Variants in ZNF385D observed in about 807,000 individuals in gnomAD.
ZNF385D encodes zinc finger protein 659.
Under a neutral mutation model 35.8 loss-of-function variants are expected in ZNF385D, and 15 were observed. The observed-to-expected ratio is 0.42, with a 90% CI of 0.28 to 0.64. ZNF385D has a LOEUF of 0.64. ZNF385D is among the 30% of genes least tolerant of loss of function. The pLI is 0.23. For missense variants in ZNF385D, 474 were observed against 494.6 expected (o/e 0.96, Z 0.39); for synonymous variants, 212 against 186.8 (o/e 1.13, Z -1.10).
intron 3 of ZNF385D, among the ~76,000 whole-genome samples, chr3:21,841,678 T>C (rs747812674): frequency 4.6e-5 from 7 of 152,038 alleles, no homozygotes; most frequent in East Asian, 1.9e-4. Flanking sequence ...ACTTAAGTTA[T>C]TAAACACAAG....
intron 2 of ZNF385D, among the ~76,000 whole-genome samples, chr3:22,171,104 C>A (rs1035758222): frequency 7.6e-6 from 1 of 131,030 alleles, no homozygotes; most frequent in Non-Finnish European, 1.6e-5. Context: ...ACATGATGAC[C>A]ATTTATTATG....
At chr3:21,703,630 C>T (rs182483388) in intron 1 of ZNF385D, among the ~76,000 whole-genome samples, 1 of 150,970 alleles carries the variant, frequency 6.6e-6, no homozygotes, top group Non-Finnish European at 1.5e-5. Flanking sequence ...TTACTGCAAC[C>T]TTGTAAATAT....
At chr3:21,827,658 G>A (rs1380986105) in intron 3 of ZNF385D, among the ~76,000 whole-genome samples, 1 of 152,124 alleles carries the variant, frequency 6.6e-6, no homozygotes, top group African/African-American at 2.4e-5. Context: ...TTAATATATT[G>A]GAGTGCCTCT....
intron 3 of ZNF385D, among the ~76,000 whole-genome samples, chr3:21,867,855 C>A (rs1291306): frequency 0.87 from 131,794 of 152,002 alleles, 57,584 homozygotes; most frequent in Non-Finnish European, 0.92. Flanking sequence ...AGTCACATGT[C>A]ACTCTTGAAC....
intron 3 of ZNF385D, among the ~76,000 whole-genome samples, chr3:22,102,857 A>G (rs1331220346): frequency 6.6e-6 from 1 of 150,466 alleles, no homozygotes; most frequent in Non-Finnish European, 1.5e-5. Flanking sequence ...TTATTTTGAT[A>G]CATGTTTGTC....
chr3:22,080,768 G>C (rs773085966), intron 3 of ZNF385D, among the ~76,000 whole-genome samples: 1 of 152,068 alleles, frequency 6.6e-6, no homozygotes, highest in Non-Finnish European at 1.5e-5. Flanking sequence ...ATTAGATTAT[G>C]AGGGTGGTGT....
Position 21,792,670 on chromosome 3 carries a change from C to T in ZNF385D, c.326-127642G>A, listed in dbSNP as rs149723200. ...GGGCCATGCAGGAGACTTGCACACA[C>T]AGCAAAAAGCAGGCCCTAGACCCCC... On this transcript the variant is annotated intron_variant, in intron 3 of 5. Coordinates refer to the ZNF385D transcript ENST00000494108. 3.7e-3 allele frequency among the ~76,000 whole-genome samples: 570 copies of T among 152,250 alleles called. 7 individuals carry two copies. The highest frequency in any genetic ancestry group is 0.024 in the South Asian group (115 of 4,822).
intron 2 of ZNF385D, among the ~76,000 whole-genome samples, chr3:22,280,046 C>T (rs1701657234): frequency 6.6e-6 from 1 of 152,036 alleles, no homozygotes; most frequent in South Asian, 2.1e-4. Context: ...TGATGTTGAA[C>T]ATTTTTTCAT....
intron 3 of ZNF385D, among the ~76,000 whole-genome samples, chr3:21,532,638 C>T (rs1397795085): frequency 1.3e-5 from 2 of 148,228 alleles, no homozygotes; most frequent in African/African-American, 2.5e-5. Context: ...CAAAAGTGTA[C>T]ATATTTCACT....
intron 1 of ZNF385D, among the ~76,000 whole-genome samples, chr3:21,739,021 C>G (rs571548670): frequency 6.6e-6 from 1 of 152,266 alleles, no homozygotes; most frequent in African/African-American, 2.4e-5. Context: ...CTTTGCTTCC[C>G]AACTAATCAT....
intron 3 of ZNF385D, among the ~76,000 whole-genome samples, chr3:22,100,718 G>C (rs1701891152): frequency 6.6e-6 from 1 of 151,454 alleles, no homozygotes; most frequent in East Asian, 1.9e-4. Context: ...AGCAATGGGA[G>C]ATATACCTAA....
chr3:21,593,605 A>C (rs888905267), intron 2 of ZNF385D, among the ~76,000 whole-genome samples: 1 of 152,248 alleles, frequency 6.6e-6, no homozygotes, highest in East Asian at 1.9e-4. Flanking sequence ...ACCTTACTCA[A>C]ACATATGTGT....
chr3:21,829,841 T>C (rs1181472696), intron 3 of ZNF385D, among the ~76,000 whole-genome samples: 1 of 152,000 alleles, frequency 6.6e-6, no homozygotes, highest in African/African-American at 2.4e-5. Context: ...ATTTTAGAGT[T>C]TGGCCTGACA....
At chr3:21,462,660 A>G (rs551456086) in intron 4 of ZNF385D, among the ~76,000 whole-genome samples, 1 of 152,332 alleles carries the variant, frequency 6.6e-6, no homozygotes, top group South Asian at 2.1e-4. Context: ...ACAGTAAAAT[A>G]CATTACACAA....
intron 3 of ZNF385D, among the ~76,000 whole-genome samples, chr3:22,000,072 G>C (rs552194344): frequency 6.6e-6 from 1 of 152,088 alleles, no homozygotes; most frequent in Non-Finnish European, 1.5e-5. Flanking sequence ...TTGGGAGGCC[G>C]AGGCGGGCAG....
At chr3:22,005,933 T>G (rs1367440272) in intron 3 of ZNF385D, among the ~76,000 whole-genome samples, 13 of 152,128 alleles carry the variant, frequency 8.5e-5, no homozygotes, top group Admixed American at 8.5e-4. Context: ...TAAGCACTAT[T>G]CACAGATATT....
At chr3:21,783,261 G>A (rs903693889) in intron 3 of ZNF385D, among the ~76,000 whole-genome samples, 4 of 152,058 alleles carry the variant, frequency 2.6e-5, no homozygotes, top group African/African-American at 9.7e-5. Flanking sequence ...AAATACAAGG[G>A]TTTATGTGCA....
intron 3 of ZNF385D, among the ~76,000 whole-genome samples, chr3:21,545,028 C>T (rs537373622): frequency 2.2e-4 from 33 of 152,212 alleles, no homozygotes; most frequent in South Asian, 4.1e-4. Context: ...AACATATGTT[C>T]GAAAATTGTA....
At chr3:22,008,205 A>C (rs377595832) in intron 3 of ZNF385D, among the ~76,000 whole-genome samples, 2 of 152,202 alleles carry the variant, frequency 1.3e-5, no homozygotes. Flanking sequence ...TACACTTTCA[A>C]AATAAGGTAG....
Sources: allele counts gnomAD v4.1 joint callset (sites outside exome capture counted in the v4.1 genomes callset), GRCh38; gene constraint gnomAD v4.1.1; transcripts MANE v1.5; gene names NCBI Gene and HGNC (gene_info 2026-07-23, HGNC 2026-07-21).